COL27A1: variants seen among roughly 807,000 people sequenced by gnomAD.
The protein encoded by COL27A1 is collagen alpha-1(XXVII) chain.
Under a neutral mutation model 251.3 loss-of-function variants are expected in COL27A1, and 106 were observed. The ratio of observed to expected loss-of-function variants is 0.42; its 90% CI spans 0.36 to 0.50. COL27A1 has a LOEUF of 0.50. Among genes scored for constraint, COL27A1 ranks in the 20% least tolerant of loss-of-function variants. COL27A1 has a pLI of 0.00. For synonymous variants in COL27A1, 1,000 were observed against 986.3 expected (o/e 1.01, Z -0.26); for missense variants, 2,325 against 2,522.8 (o/e 0.92, Z 1.68).
intron 2 of COL27A1, among the ~76,000 whole-genome samples, chr9:114,166,949 C>T (rs538749893): frequency 6.6e-6 from 1 of 152,114 alleles, no homozygotes; most frequent in South Asian, 2.1e-4. Context: ...GAGGAGTCAG[C>T]GGAAATGCCA....
intron 2 of COL27A1, among the ~76,000 whole-genome samples, chr9:114,163,758 C>T (rs1206732103): frequency 6.6e-6 from 1 of 152,132 alleles, no homozygotes; most frequent in Non-Finnish European, 1.5e-5. Context: ...ACTTCTGCTG[C>T]CCAGCAACAT....
At chr9:114,224,702 G>A (rs1831350670) in intron 14 of COL27A1, among the ~76,000 whole-genome samples, 1 of 142,460 alleles carries the variant, frequency 7.0e-6, no homozygotes, top group African/African-American at 2.7e-5. Flanking sequence ...TTCCAGGCTG[G>A]AGTTCAGTGG....
upstream of COL27A1, among the ~76,000 whole-genome samples, chr9:114,154,555 G>C (rs560914172): frequency 3.3e-5 from 5 of 152,318 alleles, no homozygotes; most frequent in African/African-American, 1.2e-4. The surrounding 1 kb of genome is among the most constrained non-coding windows in gnomAD (Gnocchi z 5.8). Context: ...GTGTCCACCC[G>C]GGGTGTGTAC....
intron 37 of COL27A1, 131 bp downstream of exon 37, chr9:114,275,899 C>T (rs1276665632): frequency 3.3e-6 from 2 of 615,104 alleles, no homozygotes; most frequent in Admixed American, 6.1e-5. Flanking sequence ...CCTTTCTCCA[C>T]CTGGCAGTTT....
chr9:114,300,701 C>A lies in COL27A1; in HGVS notation c.4701+14C>A. On this transcript the variant is annotated intron_variant, in intron 51 of 60. Coordinates refer to ENST00000356083, the MANE Select transcript of COL27A1 (RefSeq NM_032888.4). ...CCTGGCTTGATGGTGAGTTCCCTCC[C>A]TGCTGTCGGAGCAGAGATGATTGTC... 1.3e-6 allele frequency: 2 copies of A among 1,494,722 alleles called. No individual in the cohort carries two copies. Among genetic ancestry groups the A allele is most frequent in the South Asian group, 1.4e-5 (1 of 73,022 alleles). The allele number at this position is 1,494,722 out of a possible 1,614,324, so 92.6% of individuals were successfully genotyped here.
At chr9:114,261,220 A>G (rs940834216) in intron 28 of COL27A1, among the ~76,000 whole-genome samples, 1 of 152,164 alleles carries the variant, frequency 6.6e-6, no homozygotes, top group Non-Finnish European at 1.5e-5. Context: ...TTTCTGTCCC[A>G]GGCAGGAGCT....
At chr9:114,197,570 G>C (rs1044208136) in intron 7 of COL27A1, among the ~76,000 whole-genome samples, 1 of 152,174 alleles carries the variant, frequency 6.6e-6, no homozygotes, top group Non-Finnish European at 1.5e-5. Context: ...TTCTGCATGG[G>C]GGTGGCAGCC....
At chr9:114,255,185 AG>A (rs1833838167) in intron 27 of COL27A1, among the ~76,000 whole-genome samples, 1 of 152,190 alleles carries the variant, frequency 6.6e-6, no homozygotes, top group African/African-American at 2.4e-5. Flanking sequence ...AGGAGCTGGC[AG>A]TGTGGAAGTA....
rs1324158517 is a variant in COL27A1, at chr9:114,168,124, C to G, written c.569C>G (p.Ala190Gly). The G allele has an allele frequency of 1.2e-6, 2 of 1,612,720 alleles. No homozygotes were observed. The highest frequency in any genetic ancestry group is 4.5e-5 in the East Asian group (2 of 44,884). Residue 190 changes from alanine to glycine, a missense_variant, in exon 3 of 61, where the codon GCA (alanine) becomes GGA (glycine). By Grantham distance (60) the Ala-to-Gly change is moderately conservative. This residue lies in a region of COL27A1 where 1,183 missense variants were observed against 1,144.1 expected (regional missense o/e 1.03). Coordinates refer to ENST00000356083, the MANE Select transcript of COL27A1 (RefSeq NM_032888.4). ...CTGCTGCCTTTCCACAGGGACCCTG[C>G]ACTCGACCCTGGGGGCTCCTTCCTC... ...PVLLPFHRDP[A>G]LDPGGSFLFG...
intron 38 of COL27A1, 51 bp from the exon 39 acceptor site, chr9:114,282,406 A>T (rs1278491707): frequency 6.9e-6 from 11 of 1,604,906 alleles, no homozygotes; most frequent in Non-Finnish European, 8.5e-6. Flanking sequence ...CCCTCCCTGG[A>T]CCCTCCGTCC....
At position 114,290,100 on chromosome 9, in the gene COL27A1, AG is replaced by A; in HGVS notation, c.4255del (p.Val1419SerfsTer148). 1 of 1,611,534 alleles carries A rather than the reference AG, an allele frequency of 6.2e-7. No individual in the cohort carries two copies. Among genetic ancestry groups the A allele is most frequent in the Non-Finnish European group, 8.5e-7 (1 of 1,179,900 alleles). On this transcript the variant is annotated frameshift_variant, in exon 46 of 61. Coordinates refer to ENST00000356083, the MANE Select transcript of COL27A1 (RefSeq NM_032888.4). LOFTEE classifies it high-confidence loss of function. The surrounding 1 kb of genome is among the most constrained non-coding windows in gnomAD (Gnocchi z 4.6). The part of the protein sequence containing the change: ...KQGKAGAPGR[R>X]GVQGLQGLPG... ...AGGCAAGGCAGGGGCCCCAGGCCGG[AG>A]GGGGGTCCAGGTGAGTGACTACAGC...
At chr9:114,215,337 G>A (rs745491) in intron 12 of COL27A1, among the ~76,000 whole-genome samples, 9,476 of 152,282 alleles carry the variant, frequency 0.062, 403 homozygotes, top group African/African-American at 0.11. Flanking sequence ...GGAAATTGAG[G>A]CCAAAGCAGA....
At chr9:114,306,988 C>G (rs1374845870) in intron 58 of COL27A1, 2 of 348,686 alleles carry the variant, frequency 5.7e-6, no homozygotes, top group Non-Finnish European at 1.1e-5. Flanking sequence ...AGGATTTTCC[C>G]CCTTTCTGAG....
chr9:114,168,998 T>A lies in COL27A1; in HGVS notation c.1443T>A (p.Pro481=). 6.2e-7 allele frequency: 1 copy of A among 1,612,864 alleles called. No individual in the cohort carries two copies. The highest frequency in any genetic ancestry group is 8.5e-7 in the Non-Finnish European group (1 of 1,179,750). The change falls in exon 3 of 61, where the codon CCT becomes CCA. Residue 481 remains proline (P), a synonymous_variant. Coordinates refer to ENST00000356083, the MANE Select transcript of COL27A1 (RefSeq NM_032888.4). ...CTGCCCGCACCAGCACCCACAAACC[T>A]CCCCCATTTACTGCTTTATCCTCAT... ...PASARTSTHK[P]PPFTALSSSP...
intron 10 of COL27A1, among the ~76,000 whole-genome samples, chr9:114,208,678 C>T (rs903973748): frequency 1.3e-5 from 2 of 151,928 alleles, no homozygotes; most frequent in East Asian, 1.9e-4. Flanking sequence ...TAGAAGTTCC[C>T]AGGCTAATGA....
chr9:114,181,415 G>A (rs1315389552), intron 4 of COL27A1, among the ~76,000 whole-genome samples: 2 of 152,136 alleles, frequency 1.3e-5, no homozygotes, highest in African/African-American at 4.8e-5. Context: ...AGAGGAAGAG[G>A]GAGGTGCCTT....
At chr9:114,247,640 C>T (rs1443984908) in intron 24 of COL27A1, among the ~76,000 whole-genome samples, 1 of 152,188 alleles carries the variant, frequency 6.6e-6, no homozygotes, top group Non-Finnish European at 1.5e-5. Flanking sequence ...AGCAGAACAC[C>T]CGGCTTGCTG....
intron 14 of COL27A1, among the ~76,000 whole-genome samples, chr9:114,228,220 T>C (rs1294441075): frequency 1.3e-5 from 2 of 152,168 alleles, no homozygotes; most frequent in Non-Finnish European, 2.9e-5. Flanking sequence ...CTGCCTGCAC[T>C]GAATTCAGTC....
chr9:114,224,022 T>C (rs1160346409), intron 14 of COL27A1, among the ~76,000 whole-genome samples: 1 of 152,248 alleles, frequency 6.6e-6, no homozygotes, highest in Non-Finnish European at 1.5e-5. Flanking sequence ...CTGCAATTGA[T>C]AAGTGATGTC....
Sources: allele counts gnomAD v4.1 joint callset (sites outside exome capture counted in the v4.1 genomes callset), GRCh38; gene constraint gnomAD v4.1.1; regional missense constraint gnomAD v4.1.1; non-coding constraint Gnocchi (gnomAD v3.1); transcripts MANE v1.5; gene names NCBI Gene and HGNC (gene_info 2026-07-23, HGNC 2026-07-21).